Variants in TMEM135 observed in about 807,000 individuals in gnomAD.
TMEM135 encodes the protein peroxisomal membrane protein 52.
TMEM135 carries 30 observed loss-of-function variants against 60.3 expected under a neutral mutation model. The ratio of observed to expected loss-of-function variants is 0.50; its 90% confidence interval spans 0.37 to 0.68. The LOEUF is 0.68. Among genes scored for constraint, TMEM135 ranks in the 30% least tolerant of loss-of-function variants. The pLI, the probability that TMEM135 is intolerant of heterozygous loss-of-function variation, is 0.00. For synonymous variants in TMEM135, 190 were observed against 186.7 expected (o/e 1.02, Z -0.14); for missense variants, 468 against 548.8 (o/e 0.85, Z 1.47).
intron 6 of TMEM135, among the ~76,000 whole-genome samples, chr11:87,270,764 AT>A (rs1452479081): frequency 1.3e-5 from 2 of 152,112 alleles, no homozygotes; most frequent in Non-Finnish European, 2.9e-5. Flanking sequence ...TTGCTTTTTT[AT>A]TTTAGTCACC....
intron 2 of TMEM135, among the ~76,000 whole-genome samples, chr11:87,070,029 C>T (rs2512398): frequency 0.46 from 69,406 of 151,110 alleles, 16,872 homozygotes; most frequent in East Asian, 0.64. Flanking sequence ...AAAAATTAAC[C>T]AGGCATGGTA....
intron 5 of TMEM135, among the ~76,000 whole-genome samples, chr11:87,168,999 A>G (rs1287624957): frequency 2.6e-5 from 4 of 151,974 alleles, no homozygotes; most frequent in South Asian, 4.2e-4. Context: ...TTGGGTGCAT[A>G]TATATTTAGG....
At chr11:87,072,722 A>G (rs924212159) in intron 3 of TMEM135, among the ~76,000 whole-genome samples, 10 of 152,118 alleles carry the variant, frequency 6.6e-5, no homozygotes, top group African/African-American at 2.4e-4. Context: ...AAAATTTTTT[A>G]TTGTTATCAG....
At chr11:87,224,270 CAGTT>C (rs1177129814) in intron 5 of TMEM135, among the ~76,000 whole-genome samples, 3 of 152,178 alleles carry the variant, frequency 2.0e-5, no homozygotes, top group Non-Finnish European at 4.4e-5. Flanking sequence ...ATGTGGAACT[CAGTT>C]AGAGGGCCAC....
At chr11:87,316,604 A>G (rs1442432625) in intron 12 of TMEM135, among the ~76,000 whole-genome samples, 1 of 152,066 alleles carries the variant, frequency 6.6e-6, no homozygotes, top group African/African-American at 2.4e-5. Flanking sequence ...GGAGAGAACT[A>G]TACAGATTTG....
intron 4 of TMEM135, among the ~76,000 whole-genome samples, chr11:87,140,729 A>G (rs1393907076): frequency 6.6e-6 from 1 of 152,164 alleles, no homozygotes; most frequent in Non-Finnish European, 1.5e-5. Flanking sequence ...TGTTTTCTCC[A>G]GTGTTTTTCT....
chr11:87,216,296 T>G, intron 5 of TMEM135, among the ~76,000 whole-genome samples: 1 of 152,116 alleles, frequency 6.6e-6, no homozygotes, highest in East Asian at 1.9e-4. Context: ...AGACCTAAGA[T>G]ATTCTACTAC....
At chr11:87,126,292 G>A (rs1485563650) in intron 4 of TMEM135, among the ~76,000 whole-genome samples, 1 of 151,988 alleles carries the variant, frequency 6.6e-6, no homozygotes, top group Non-Finnish European at 1.5e-5. Context: ...TGTCTCTTTA[G>A]AAGTTCATAC....
At chr11:87,118,010 C>T (rs976971519) in intron 4 of TMEM135, among the ~76,000 whole-genome samples, 2 of 152,180 alleles carry the variant, frequency 1.3e-5, no homozygotes, top group Admixed American at 6.5e-5. Flanking sequence ...ATGAGAACAA[C>T]ATTAATCTTG....
At chr11:87,246,585 G>A (rs1004633725) in intron 6 of TMEM135, among the ~76,000 whole-genome samples, 22 of 151,486 alleles carry the variant, frequency 1.5e-4, no homozygotes, top group African/African-American at 3.9e-4. Context: ...TTCCCTTCTT[G>A]CTTCATTTCA....
chr11:87,166,937 G>A (rs577482889), intron 5 of TMEM135, among the ~76,000 whole-genome samples: 56 of 152,132 alleles, frequency 3.7e-4, no homozygotes, highest in Non-Finnish European at 6.0e-4. Flanking sequence ...CTATCCATGA[G>A]CATGGAATAT....
chr11:87,278,994 T>G (rs1226788932), intron 6 of TMEM135, among the ~76,000 whole-genome samples: 1 of 152,146 alleles, frequency 6.6e-6, no homozygotes, highest in Non-Finnish European at 1.5e-5. Flanking sequence ...ATTTTTTTTT[T>G]TTTGAAATTC....
At chr11:87,058,922 A>C (rs185980379) in intron 1 of TMEM135, among the ~76,000 whole-genome samples, 80 of 150,650 alleles carry the variant, frequency 5.3e-4, no homozygotes, top group Middle Eastern at 3.6e-3. Context: ...TCTTATTTTT[A>C]ATTTTAATTT....
chr11:87,153,608 T>C (rs143474256), intron 4 of TMEM135, among the ~76,000 whole-genome samples: 3,174 of 152,326 alleles, frequency 0.021, 34 homozygotes, highest in South Asian at 0.032. Flanking sequence ...ATGCTTATTA[T>C]GCTTAATTTT....
intron 3 of TMEM135, among the ~76,000 whole-genome samples, chr11:87,088,014 A>C (rs1424954623): frequency 6.6e-6 from 1 of 152,172 alleles, no homozygotes; most frequent in Non-Finnish European, 1.5e-5. Context: ...TTGGGATTAC[A>C]GGTGTGAGCC....
At position 87,100,330 on chromosome 11, in the gene TMEM135, A is replaced by G. The variant is rs576205144; in HGVS notation, c.396+8935A>G. On this transcript the variant is annotated intron_variant, in intron 4 of 14. Coordinates refer to ENST00000305494, the MANE Select transcript of TMEM135 (RefSeq NM_022918.4). The stretch of plus-strand genomic sequence containing the variant: ...ACTTCATCTTCCTTTTTATCTAAAC[A>G]GAGCCATTTATTTATTACTGTATAA... Among the ~76,000 whole-genome samples the G allele has an allele frequency of 1.2e-4, 18 of 152,320 alleles. No individual in the cohort carries two copies. In the East Asian group the frequency reaches 3.5e-3, roughly 29 times the overall value.
intron 4 of TMEM135, among the ~76,000 whole-genome samples, chr11:87,146,396 T>A (rs1347367796): frequency 6.6e-6 from 1 of 152,196 alleles, no homozygotes; most frequent in Non-Finnish European, 1.5e-5. Context: ...TGCTTTAGCC[T>A]CTGGAGTACT....
intron 5 of TMEM135, among the ~76,000 whole-genome samples, chr11:87,222,672 C>T (rs1940664149): frequency 1.3e-5 from 2 of 150,178 alleles, no homozygotes; most frequent in South Asian, 4.3e-4. Flanking sequence ...GGTGTGGTGG[C>T]GGGCACCTCT....
chr11:87,093,012 T>A (rs751582479), intron 4 of TMEM135, among the ~76,000 whole-genome samples: 2 of 152,158 alleles, frequency 1.3e-5, no homozygotes, highest in Non-Finnish European at 2.9e-5. Flanking sequence ...ATCCATCCCC[T>A]CTTTGAATCT....
Sources: allele counts gnomAD v4.1 joint callset (sites outside exome capture counted in the v4.1 genomes callset), GRCh38; gene constraint gnomAD v4.1.1; transcripts MANE v1.5; gene names NCBI Gene and HGNC (gene_info 2026-07-23, HGNC 2026-07-21).